PCDHGA12: variants seen among roughly 807,000 people sequenced by gnomAD.
The protein encoded by PCDHGA12 is protocadherin gamma-A12.
Under a neutral mutation model 61.1 loss-of-function variants are expected in PCDHGA12, and 43 were observed. The observed-to-expected ratio is 0.70, with a 90% CI of 0.55 to 0.91. The LOEUF is 0.91. Ranked by LOEUF, PCDHGA12 falls within the 40% of genes least tolerant of loss-of-function variation. PCDHGA12 has a pLI of 0.00. For synonymous variants in PCDHGA12, 520 were observed against 542.9 expected, an observed-to-expected ratio of 0.96 and a Z score of 0.59; for missense variants, 1,236 against 1,227.7, an observed-to-expected ratio of 1.01 and a Z score of -0.10.
intron 1 of PCDHGA12, among the ~76,000 whole-genome samples, chr5:141,450,304 T>C (rs759506660): frequency 1.3e-5 from 2 of 151,906 alleles, no homozygotes; most frequent in African/African-American, 2.4e-5. Flanking sequence ...TGAGCCACCA[T>C]GTGTGGCCTA....
Position 141,430,857 on chromosome 5 carries a change from A to T in PCDHGA12, c.98A>T (p.Tyr33Phe). ...GAGACCGGATGCACCCAGATACGCTATTCAGTTCCGGAAGAGCTGGAGAAA... is the reference window on the plus strand; with the variant it reads ...GAGACCGGATGCACCCAGATACGCTTTTCAGTTCCGGAAGAGCTGGAGAAA... ...LWETGCTQIRYSVPEELEKGS... is the reference protein window; with the variant it reads ...LWETGCTQIRFSVPEELEKGS... Residue 33 changes from tyrosine to phenylalanine, a missense_variant, in exon 1 of 4, where the codon TAT becomes TTT. Physicochemically the swap from Tyr to Phe is conservative, Grantham distance 22. Coordinates refer to ENST00000252085, the MANE Select transcript of PCDHGA12 (RefSeq NM_003735.3). The T allele has an allele frequency of 6.3e-7, 1 of 1,591,434 alleles. No individual in the cohort carries two copies. The highest frequency in any genetic ancestry group is 8.5e-7 in the Non-Finnish European group (1 of 1,170,358).
intron 2 of PCDHGA12, among the ~76,000 whole-genome samples, chr5:141,502,139 C>T (rs923501238): frequency 6.6e-6 from 1 of 152,104 alleles, no homozygotes; most frequent in African/African-American, 2.4e-5. Flanking sequence ...TCAGTCGGGC[C>T]GGAAGTAAGG....
chr5:141,467,287 A>C (rs2099140956), intron 1 of PCDHGA12, among the ~76,000 whole-genome samples: 1 of 152,082 alleles, frequency 6.6e-6, no homozygotes, highest in Admixed American at 6.6e-5. Flanking sequence ...TCTTGACCTC[A>C]AGTGATCCAC....
intron 1 of PCDHGA12, among the ~76,000 whole-genome samples, chr5:141,453,095 G>T (rs1254113352): frequency 6.6e-6 from 1 of 151,962 alleles, no homozygotes; most frequent in African/African-American, 2.4e-5. Flanking sequence ...TATATTTTCT[G>T]TTGCTTTTTT....
chr5:141,479,679 T>A (rs1211872684), intron 1 of PCDHGA12: 1 of 152,258 alleles, frequency 6.6e-6, no homozygotes, highest in East Asian at 1.9e-4. Flanking sequence ...AAGGAGAGTC[T>A]TTTTGGTGCC....
chr5:141,489,692 G>C lies in PCDHGA12; in HGVS notation c.2425-5115G>C, dbSNP rs768806028. The stretch of plus-strand genomic sequence containing the variant: ...TCAGAATCAGCAGCATCTGGGGCAC[G>C]ATTCCCACTGGACAGTGCCCAGGAT... On this transcript the variant is annotated intron_variant, in intron 1 of 3. Transcript: ENST00000252085. This position sits in a 1 kb window ranked among gnomAD's most constrained non-coding sequence, Gnocchi z 4.5. 6.2e-7 allele frequency: 1 copy of C among 1,614,128 alleles called. No individual in the cohort carries two copies. Among genetic ancestry groups the C allele is most frequent in the South Asian group, 1.1e-5 (1 of 91,080 alleles).
chr5:141,494,386 T>G (rs2099753905), intron 1 of PCDHGA12, among the ~76,000 whole-genome samples: 1 of 152,198 alleles, frequency 6.6e-6, no homozygotes, highest in African/African-American at 2.4e-5. Context: ...GCTGAGGAGT[T>G]GAATAAATTC....
Position 141,491,987 on chromosome 5 carries a change from T to A in PCDHGA12, c.2425-2820T>A. The A allele has an allele frequency of 1.4e-6, 1 of 736,922 alleles. No individual in the cohort carries two copies. The highest frequency in any genetic ancestry group is 2.0e-6 in the Non-Finnish European group (1 of 490,378). The allele number at this position is 736,922 out of a possible 1,614,324, so 45.6% of individuals were successfully genotyped here. On this transcript the variant is annotated intron_variant, in intron 1 of 3. Coordinates refer to ENST00000252085, the MANE Select transcript of PCDHGA12 (RefSeq NM_003735.3). The surrounding 1 kb of genome is among the most constrained non-coding windows in gnomAD (Gnocchi z 6.9). ...GCCGGGGCCTCCTTCGAGCTTCCGG[T>A]GAATTTCGGGCGATTTCCGCGGGTG...
intron 1 of PCDHGA12, among the ~76,000 whole-genome samples, chr5:141,494,135 GTCAC>G (rs1365926534): frequency 3.3e-5 from 5 of 152,202 alleles, no homozygotes; most frequent in Admixed American, 6.5e-5. Flanking sequence ...CTTCTCCTTA[GTCAC>G]AGACCATTGT....
rs1308930168 is a variant in PCDHGA12, at chr5:141,489,620, A to G, written c.2425-5187A>G. 2.5e-6 allele frequency: 4 copies of G among 1,614,058 alleles called. No individual in the cohort carries two copies. Among genetic ancestry groups the G allele is most frequent in the South Asian group, 2.2e-5 (2 of 91,072 alleles). The stretch of plus-strand genomic sequence containing the variant: ...GTAGAGGTAGAGATCCTGGATCTCA[A>G]TGACAACTCTCCTAGCTTTGCCACC... On this transcript the variant is annotated intron_variant, in intron 1 of 3. Transcript: ENST00000252085. This position sits in a 1 kb window ranked among gnomAD's most constrained non-coding sequence, Gnocchi z 4.5.
chr5:141,485,949 T>C lies in PCDHGA12; in HGVS notation c.2425-8858T>C. Reference sequence around the variant, plus strand: ...GTGTTGGAGAGCGCACCAGCGGGCATGGTGCTCATCCAGCTCAATGCCTCA... The same window carrying C: ...GTGTTGGAGAGCGCACCAGCGGGCACGGTGCTCATCCAGCTCAATGCCTCA... On this transcript the variant is annotated intron_variant, in intron 1 of 3. Transcript: ENST00000252085. This position sits in a 1 kb window ranked among gnomAD's most constrained non-coding sequence, Gnocchi z 5.7. 2 of 1,614,178 alleles carry C rather than the reference T, an allele frequency of 1.2e-6. No individual in the cohort carries two copies.
intron 1 of PCDHGA12, among the ~76,000 whole-genome samples, chr5:141,443,726 TAC>T: frequency 6.6e-6 from 1 of 152,262 alleles, no homozygotes; most frequent in Admixed American, 6.5e-5. Flanking sequence ...AAATTCCTCA[TAC>T]ATTTCCCTAT....
At chr5:141,448,782 T>C (rs2098606045) in intron 1 of PCDHGA12, among the ~76,000 whole-genome samples, 1 of 148,758 alleles carries the variant, frequency 6.7e-6, no homozygotes, top group Non-Finnish European at 1.5e-5. Flanking sequence ...GTACTAAAAA[T>C]ACAAAAAAAA....
intron 1 of PCDHGA12, among the ~76,000 whole-genome samples, chr5:141,481,692 G>T (rs1231630072): frequency 6.6e-6 from 1 of 152,020 alleles, no homozygotes; most frequent in African/African-American, 2.4e-5. Context: ...GGTGGCTCAC[G>T]CCTGTAATCC....
Position 141,489,267 on chromosome 5 carries a change from C to T in PCDHGA12, c.2425-5540C>T, listed in dbSNP as rs370726160. 27 of 1,553,302 alleles carry T rather than the reference C, an allele frequency of 1.7e-5. No individual in the cohort carries two copies. Among genetic ancestry groups the T allele is most frequent in the African/African-American group, 8.2e-5 (6 of 73,324 alleles). ...TGGGGCCCAAGACACTCCCACAGCT[C>T]GCTGGGAAATGGCAAGTGCTGTGCA... On this transcript the variant is annotated intron_variant, in intron 1 of 3. Transcript: ENST00000252085. This position sits in a 1 kb window ranked among gnomAD's most constrained non-coding sequence, Gnocchi z 4.5.
At chr5:141,458,988 C>T (rs996478276) in intron 1 of PCDHGA12, among the ~76,000 whole-genome samples, 1 of 152,208 alleles carries the variant, frequency 6.6e-6, no homozygotes, top group South Asian at 2.1e-4. Context: ...CTGCCTCACC[C>T]TCCCAAAGTG....
intron 1 of PCDHGA12, among the ~76,000 whole-genome samples, chr5:141,434,567 C>T (rs1220152239): frequency 6.6e-6 from 1 of 152,206 alleles, no homozygotes; most frequent in East Asian, 1.9e-4. Flanking sequence ...TAAGGACATG[C>T]CCCTGCTGCA....
intron 1 of PCDHGA12, among the ~76,000 whole-genome samples, chr5:141,483,679 CAGAA>C (rs1470395939): frequency 6.7e-6 from 1 of 149,028 alleles, no homozygotes; most frequent in Non-Finnish European, 1.5e-5. Flanking sequence ...TAAAAGAACA[CAGAA>C]AGCCAGATTC....
rs2099883850 is a variant in PCDHGA12, at chr5:141,511,565, A to T, written c.*392A>T. The T allele has an allele frequency of 3.4e-6, 1 of 295,974 alleles. No homozygotes were observed. Among genetic ancestry groups the T allele is most frequent in the African/African-American group, 2.2e-5 (1 of 46,502 alleles). The allele number at this position is 295,974 out of a possible 1,614,324, so 18.3% of individuals were successfully genotyped here. The stretch of plus-strand genomic sequence containing the variant: ...CCACTCCAACAGTTCCTCTTTCCCG[A>T]GTAAGGTGGTTGGGGTGTTGAAGTA... On this transcript the variant is annotated 3_prime_UTR_variant, in exon 4 of 4. Coordinates refer to ENST00000252085, the MANE Select transcript of PCDHGA12 (RefSeq NM_003735.3).
Sources: gnomAD v4.1 joint callset for allele counts (sites outside exome capture counted in the v4.1 genomes callset) on GRCh38, gnomAD v4.1.1 for gene constraint, Gnocchi (gnomAD v3.1) non-coding constraint, MANE v1.5 for transcripts, NCBI Gene and HGNC (gene_info 2026-07-23, HGNC 2026-07-21) for gene names.